Variants in PC observed in about 807,000 individuals in gnomAD.
PC encodes pyruvate carboxylase.
PC carries 46 observed loss-of-function variants against 107.8 expected under a neutral mutation model. That is an observed-to-expected ratio of 0.43 (90% CI 0.34 to 0.55). PC has a LOEUF of 0.55. Ranked by LOEUF, PC falls within the 20% of genes least tolerant of loss-of-function variation. The probability of loss-of-function intolerance (pLI) is 0.04; values close to 1 mark genes in which losing one functional copy is unlikely to be tolerated. For synonymous variants in PC, 662 were observed against 684.7 expected (o/e 0.97, Z 0.52); for missense variants, 1,241 against 1,643.1 (o/e 0.76, Z 4.23).
At chr11:66,862,027 C>A (rs547821195) in intron 12 of PC, among the ~76,000 whole-genome samples, 122 of 152,244 alleles carry the variant, frequency 8.0e-4, no homozygotes, top group African/African-American at 2.9e-3. Context: ...AGGAGCCAGC[C>A]AGGACCACAG....
chr11:66,914,239 C>T (rs535305316), intron 3 of PC, among the ~76,000 whole-genome samples: 18 of 152,120 alleles, frequency 1.2e-4, no homozygotes, highest in Non-Finnish European at 2.1e-4. Context: ...CAGCTGGGTG[C>T]GGTGGCTAAC....
In PC at chr11:66,866,392, G is replaced by A. The variant is rs757183149; in HGVS notation, c.1023-43C>T. Reference sequence around the variant, plus strand: ...GAGGGGGGAAAGGACGGGAGAAAGGGGGAAACATGAGGCGGGGGATAGACG... The same window carrying A: ...GAGGGGGGAAAGGACGGGAGAAAGGAGGAAACATGAGGCGGGGGATAGACG... On this transcript the variant is annotated intron_variant, in intron 10 of 22. Coordinates refer to ENST00000393960, the MANE Select transcript of PC (RefSeq NM_001040716.2). This position sits in a 1 kb window ranked among gnomAD's most constrained non-coding sequence, Gnocchi z 5.4. 2.7e-6 allele frequency: 4 copies of A among 1,482,684 alleles called. No homozygotes were observed. The highest frequency in any genetic ancestry group is 3.7e-6 in the Non-Finnish European group (4 of 1,071,172). The allele number at this position is 1,482,684 out of a possible 1,614,324, so 91.8% of individuals were successfully genotyped here. A position where few individuals can be genotyped will look rare whatever the true frequency, so the allele number is the denominator to read the frequency against.
chr11:66,908,416 C>A (rs1006165266), intron 3 of PC, among the ~76,000 whole-genome samples: 2 of 152,016 alleles, frequency 1.3e-5, no homozygotes, highest in African/African-American at 4.8e-5. Context: ...GCTGGTGACC[C>A]AGTACGATTT....
In PC at chr11:66,858,527, CG is replaced by C; in HGVS notation, c.1369-5145del. On this transcript the variant is annotated intron_variant, in intron 12 of 22. Transcript: ENST00000393960. The surrounding 1 kb of genome is among the most constrained non-coding windows in gnomAD (Gnocchi z 5.9). The stretch of plus-strand genomic sequence containing the variant: ...ACCTGGAAACGTGCGCCTCCCCGCC[CG>C]GCCTGGCCGGCCGCTACTTCTGGGC... 2 of 1,533,736 alleles carry C rather than the reference CG, an allele frequency of 1.3e-6. No homozygotes were observed. The highest frequency in any genetic ancestry group is 1.7e-6 in the Non-Finnish European group (2 of 1,145,334).
At chr11:66,927,559 T>C (rs1458149952) in intron 3 of PC, among the ~76,000 whole-genome samples, 1 of 151,614 alleles carries the variant, frequency 6.6e-6, no homozygotes, top group African/African-American at 2.4e-5. Context: ...CCATCTCTAC[T>C]AAAAATACAA....
At position 66,852,966 on chromosome 11, in the gene PC, G is replaced by A; in HGVS notation, c.1514-130C>T. ...ATCCCCGGGCTTCCAGCTGGCCCCT[G>A]TCCTCTCCAAAGCCAGGGCCTCCTG... On this transcript the variant is annotated intron_variant, in intron 13 of 22. Coordinates refer to ENST00000393960, the MANE Select transcript of PC (RefSeq NM_001040716.2). This position sits in a 1 kb window ranked among gnomAD's most constrained non-coding sequence, Gnocchi z 4.7. 4 of 790,740 alleles carry A rather than the reference G, an allele frequency of 5.1e-6. No homozygotes were observed. The highest frequency in any genetic ancestry group is 3.7e-5 in the South Asian group (2 of 54,712). The allele number at this position is 790,740 out of a possible 1,614,324, so 49.0% of individuals were successfully genotyped here. A position where few individuals can be genotyped will look rare whatever the true frequency, so the allele number is the denominator to read the frequency against.
At chr11:66,894,132 C>T (rs1006407222) in intron 3 of PC, among the ~76,000 whole-genome samples, 3 of 152,114 alleles carry the variant, frequency 2.0e-5, no homozygotes, top group African/African-American at 7.2e-5. Flanking sequence ...ACAGGCATGA[C>T]GGCACTCTTC....
intron 3 of PC, among the ~76,000 whole-genome samples, chr11:66,899,658 A>C (rs976968302): frequency 1.3e-5 from 2 of 152,234 alleles, no homozygotes; most frequent in African/African-American, 4.8e-5. Flanking sequence ...GGTAGTCTAG[A>C]TACAAGTTCC....
intron 3 of PC, among the ~76,000 whole-genome samples, chr11:66,948,295 G>A (rs1036301134): frequency 9.9e-5 from 15 of 151,768 alleles, no homozygotes; most frequent in African/African-American, 3.4e-4. Context: ...AAAGAAGGCA[G>A]AGAAAAAAGA....
intron 3 of PC, among the ~76,000 whole-genome samples, chr11:66,890,871 A>G (rs1947550660): frequency 6.6e-6 from 1 of 152,058 alleles, no homozygotes; most frequent in South Asian, 2.1e-4. Context: ...TCATTGTTGA[A>G]GCTGGGCGAC....
In PC at chr11:66,860,107, G is replaced by A. The variant is rs749141471; in HGVS notation, c.1368+3667C>T. On this transcript the variant is annotated intron_variant, in intron 12 of 22. Coordinates refer to ENST00000393960, the MANE Select transcript of PC (RefSeq NM_001040716.2). ...CGCCTGGGAGGAGCTTGGGCCCGAC[G>A]GAGCCACTCTGTGCATGGGGGGCTG... The A allele has an allele frequency of 1.6e-5, 25 of 1,551,624 alleles. No individual in the cohort carries two copies. In the South Asian group the frequency reaches 2.6e-4, roughly 16 times the overall value.
rs1417516534 is a variant in PC, at chr11:66,943,299, C to CACGGTCA, written c.-1+9124_-1+9130dup. 5.3e-5 allele frequency among the ~76,000 whole-genome samples: 8 copies of CACGGTCA among 151,214 alleles called. No homozygotes were observed. The East Asian group carries it at 9.8e-4, about 18-fold the overall frequency. ...GTCGGAGGAAAAAAAAAAAAGGGGT[C>CACGGTCA]ACGGTCAAAAGGAGCTGCCTTGTCC... On this transcript the variant is annotated intron_variant, in intron 3 of 22. Transcript: ENST00000393960.
In PC at chr11:66,858,255, C is replaced by A. The variant is rs149249022; in HGVS notation, c.1369-4872G>T. The A allele has an allele frequency of 1.2e-6, 2 of 1,612,494 alleles. No individual in the cohort carries two copies. The highest frequency in any genetic ancestry group is 4.5e-5 in the East Asian group (2 of 44,860). ...GGCCGGCATCGGCGCCATGCCTGCCCTGCACACCCTCAACCTGGACCATAA... is the reference window on the plus strand; with the variant it reads ...GGCCGGCATCGGCGCCATGCCTGCCATGCACACCCTCAACCTGGACCATAA... On this transcript the variant is annotated intron_variant, in intron 12 of 22. Transcript: ENST00000393960. The surrounding 1 kb of genome is among the most constrained non-coding windows in gnomAD (Gnocchi z 5.9).
chr11:66,857,919 T>C lies in PC; in HGVS notation c.1369-4536A>G. 6.2e-7 allele frequency: 1 copy of C among 1,612,182 alleles called. No individual in the cohort carries two copies. Among genetic ancestry groups the C allele is most frequent in the Non-Finnish European group, 8.5e-7 (1 of 1,179,874 alleles). ...AGTGGAGCTGCGGCTGGCTGACAAC[T>C]TCATCCAGGCCCTGGGGCCCCCTGA... On this transcript the variant is annotated intron_variant, in intron 12 of 22. Coordinates refer to ENST00000393960, the MANE Select transcript of PC (RefSeq NM_001040716.2). This position sits in a 1 kb window ranked among gnomAD's most constrained non-coding sequence, Gnocchi z 7.1.
chr11:66,929,833 TAA>T (rs1565293545), intron 3 of PC, among the ~76,000 whole-genome samples: 1 of 152,086 alleles, frequency 6.6e-6, no homozygotes, highest in Non-Finnish European at 1.5e-5. Flanking sequence ...AATTTTGTCT[TAA>T]AAGCATAGGC....
intron 3 of PC, among the ~76,000 whole-genome samples, chr11:66,924,389 A>AAAAAAAAAAAAAC (rs1948666714): frequency 7.4e-6 from 1 of 135,120 alleles, no homozygotes; most frequent in Non-Finnish European, 1.6e-5. Flanking sequence ...AAAAAAAAAA[A>AAAAAAAAAAAAAC]TTAGCTAGGC....
intron 3 of PC, among the ~76,000 whole-genome samples, chr11:66,924,137 G>C (rs902690363): frequency 6.6e-5 from 10 of 150,796 alleles, no homozygotes; most frequent in African/African-American, 2.4e-4. Context: ...AGGAGGCAGA[G>C]GCTGCAGTGA....
intron 3 of PC, among the ~76,000 whole-genome samples, chr11:66,916,323 T>C (rs988549271): frequency 2.6e-5 from 4 of 152,190 alleles, no homozygotes; most frequent in African/African-American, 9.7e-5. Context: ...TGGGCGCAGG[T>C]GATCCTCCGA....
intron 20 of PC, 28 bp from the exon 21 acceptor site, chr11:66,849,887 C>CA: frequency 3.1e-6 from 5 of 1,613,642 alleles, no homozygotes; most frequent in Non-Finnish European, 4.2e-6. Flanking sequence ...GGATCAGTCC[C>CA]AAGTCCTGCA....
Sources: allele counts gnomAD v4.1 joint callset (sites outside exome capture counted in the v4.1 genomes callset), GRCh38; gene constraint gnomAD v4.1.1; non-coding constraint Gnocchi (gnomAD v3.1); transcripts MANE v1.5; gene names NCBI Gene and HGNC (gene_info 2026-07-23, HGNC 2026-07-21).